Variants in NBEA observed in about 807,000 individuals in gnomAD.
NBEA encodes the protein lysosomal-trafficking regulator 2.
Under a neutral mutation model 343.4 loss-of-function variants are expected in NBEA, and 44 were observed. The observed-to-expected ratio is 0.13, with a 90% confidence interval of 0.10 to 0.16. NBEA has a LOEUF of 0.16. NBEA is among the 10% of genes least tolerant of loss of function. The probability of loss-of-function intolerance (pLI) is 1.00; values close to 1 mark genes in which losing one functional copy is unlikely to be tolerated. For missense variants in NBEA, 2,555 were observed against 3,631.3 expected (o/e 0.70, Z 7.62); for synonymous variants, 1,175 against 1,238.7 (o/e 0.95, Z 1.08).
At chr13:35,472,681 T>C in intron 41 of NBEA, 145 bp downstream of exon 41, 1 of 796,556 alleles carries the variant, frequency 1.3e-6, no homozygotes, top group Admixed American at 2.6e-5. Flanking sequence ...AATAGCATGT[T>C]CTCTTTATGG....
intron 20 of NBEA, among the ~76,000 whole-genome samples, chr13:35,156,806 G>C (rs1214821814): frequency 6.6e-6 from 1 of 152,136 alleles, no homozygotes; most frequent in Non-Finnish European, 1.5e-5. Flanking sequence ...TACATTGTGA[G>C]TGCTAAAGGT....
rs571102808 is a variant in NBEA, at chr13:35,188,906, GTTTT to G, written c.4927+4849_4927+4852del. Among the ~76,000 whole-genome samples the G allele has an allele frequency of 3.6e-5, 4 of 109,760 alleles. No homozygotes were observed. In the South Asian group the frequency reaches 1.2e-3, roughly 32 times the overall value. The allele number at this position is 109,760 out of a possible 152,430, so 72.0% of individuals were successfully genotyped here. On this transcript the variant is annotated intron_variant, in intron 30 of 58. Coordinates refer to ENST00000379939, the MANE Select transcript of NBEA (RefSeq NM_001385012.1). Reference sequence around the variant, plus strand: ...CTCCAACACCTATATTTTACTTTTTGTTTTTTTTTTTTTTTTTGGTTGTTTTTTT... The same window carrying G: ...CTCCAACACCTATATTTTACTTTTTGTTTTTTTTTTTTTGGTTGTTTTTTT...
At chr13:35,171,585 G>T (rs2070466863) in intron 26 of NBEA, 133 bp downstream of exon 26, 1 of 753,336 alleles carries the variant, frequency 1.3e-6, no homozygotes, top group East Asian at 3.1e-5. Context: ...GAGATACAGA[G>T]ATTATTTTTA....
chr13:35,035,405 C>G (rs1469524204), intron 1 of NBEA, among the ~76,000 whole-genome samples: 1 of 151,668 alleles, frequency 6.6e-6, no homozygotes, highest in African/African-American at 2.4e-5. Context: ...TTTGGAATGT[C>G]TCAAGATTTG....
intron 1 of NBEA, among the ~76,000 whole-genome samples, chr13:35,006,163 CTTT>C: frequency 6.6e-6 from 1 of 151,984 alleles, no homozygotes; most frequent in Admixed American, 6.6e-5. Flanking sequence ...TACCAAGTAG[CTTT>C]TTATTTGTCA....
chr13:35,527,505 C>T (rs1454654293), intron 41 of NBEA, among the ~76,000 whole-genome samples: 2 of 152,210 alleles, frequency 1.3e-5, no homozygotes, highest in African/African-American at 4.8e-5. Flanking sequence ...TCAGCTACCC[C>T]CAGCCTCCCT....
intron 48 of NBEA, among the ~76,000 whole-genome samples, chr13:35,623,409 C>T (rs1017714915): frequency 9.2e-5 from 14 of 152,074 alleles, no homozygotes; most frequent in African/African-American, 3.4e-4. Context: ...TAATTTTGAA[C>T]TAGATTTAGC....
At chr13:35,076,706 G>C (rs2064135160) in intron 10 of NBEA, among the ~76,000 whole-genome samples, 1 of 151,868 alleles carries the variant, frequency 6.6e-6, no homozygotes, top group African/African-American at 2.4e-5. Context: ...AGAAATTCTG[G>C]CGACCATGGA....
At chr13:35,266,236 C>T (rs55670318) in intron 34 of NBEA, among the ~76,000 whole-genome samples, 6,434 of 151,584 alleles carry the variant, frequency 0.042, 157 homozygotes, top group South Asian at 0.078. Context: ...TCACTGTTGG[C>T]GGGAATGTGA....
chr13:35,097,699 A>T (rs1438831608), intron 10 of NBEA, among the ~76,000 whole-genome samples: 1 of 151,962 alleles, frequency 6.6e-6, no homozygotes, highest in Non-Finnish European at 1.5e-5. Flanking sequence ...TATATTGTGT[A>T]ATTGTCACTT....
intron 41 of NBEA, among the ~76,000 whole-genome samples, chr13:35,479,501 T>G (rs1163589950): frequency 2.0e-5 from 3 of 152,154 alleles, no homozygotes; most frequent in African/African-American, 7.2e-5. Flanking sequence ...GGAAATGACC[T>G]ATAGAGAGGG....
chr13:34,964,647 A>C (rs57795595), intron 1 of NBEA, among the ~76,000 whole-genome samples: 2 of 152,006 alleles, frequency 1.3e-5, no homozygotes, highest in Non-Finnish European at 2.9e-5. Flanking sequence ...AGTTGTTTAC[A>C]GGTGGACTTG....
Position 35,048,674 on chromosome 13 carries a change from T to C in NBEA, c.835T>C (p.Tyr279His). The C allele has an allele frequency of 7.5e-7, 1 of 1,339,952 alleles. No individual in the cohort carries two copies. The highest frequency in any genetic ancestry group is 1.0e-6 in the Non-Finnish European group (1 of 954,648). 83.0% of individuals were successfully genotyped at this position (1,339,952 alleles called of 1,614,324 possible). The change falls in exon 5 of 59, where the codon TAT (tyrosine) becomes CAT (histidine). Residue 279 changes from tyrosine (Y) to histidine (H), a missense_variant. Around this residue, in one of 21 missense-constraint regions of NBEA, gnomAD observed 185 missense variants for 290.6 expected, o/e 0.64. Coordinates refer to ENST00000379939, the MANE Select transcript of NBEA (RefSeq NM_001385012.1). ...NNINVDKDKP[Y>H]LYCFRTSKGV... Reference sequence around the variant, plus strand: ...TATTAATGTTGATAAGGATAAACCTTATCTTTATTGGTAAGTAATATGTTT... The same window carrying C: ...TATTAATGTTGATAAGGATAAACCTCATCTTTATTGGTAAGTAATATGTTT...
intron 41 of NBEA, among the ~76,000 whole-genome samples, chr13:35,541,642 A>G (rs139997417): frequency 1.0e-3 from 158 of 152,188 alleles, no homozygotes; most frequent in Admixed American, 3.4e-3. Context: ...TTAGTTCAGT[A>G]AAAGGCTATG....
At chr13:35,309,616 C>G (rs2037219988) in intron 36 of NBEA, 24 bp downstream of exon 36, 3 of 1,415,632 alleles carry the variant, frequency 2.1e-6, no homozygotes, top group Non-Finnish European at 2.9e-6. Context: ...CAATTTTAGA[C>G]AACTAGTCAG....
At chr13:35,094,654 A>G (rs780662178) in intron 10 of NBEA, among the ~76,000 whole-genome samples, 12 of 152,012 alleles carry the variant, frequency 7.9e-5, no homozygotes, top group Non-Finnish European at 1.6e-4. Flanking sequence ...GTACAGTGAA[A>G]TCAATTATTT....
At chr13:35,278,460 A>C (rs937439059) in intron 34 of NBEA, among the ~76,000 whole-genome samples, 1 of 152,146 alleles carries the variant, frequency 6.6e-6, no homozygotes, top group Admixed American at 6.5e-5. Context: ...CATTTAACCA[A>C]AATGCTCAAG....
chr13:35,615,046 G>C (rs2082672558), intron 48 of NBEA, among the ~76,000 whole-genome samples: 1 of 150,834 alleles, frequency 6.6e-6, no homozygotes, highest in Non-Finnish European at 1.5e-5. Context: ...ACTTTCAGAG[G>C]CCAAGGCAGA....
At chr13:35,416,717 G>C (rs1478081844) in intron 38 of NBEA, among the ~76,000 whole-genome samples, 1 of 152,090 alleles carries the variant, frequency 6.6e-6, no homozygotes, top group Admixed American at 6.6e-5. Flanking sequence ...TTGTGTGTCT[G>C]CCAGGCTTTA....
Sources: gnomAD v4.1 joint callset for allele counts (sites outside exome capture counted in the v4.1 genomes callset) on GRCh38, gnomAD v4.1.1 for gene constraint, gnomAD v4.1.1 regional missense constraint, MANE v1.5 for transcripts, NCBI Gene and HGNC (gene_info 2026-07-23, HGNC 2026-07-21) for gene names.